The following PDE4DIP variants were observed in gnomAD, a reference collection of about 807,000 sequenced individuals.
PDE4DIP encodes myomegalin.
Under a neutral mutation model 221.4 loss-of-function variants are expected in PDE4DIP, and 59 were observed. The ratio of observed to expected loss-of-function variants is 0.27; its 90% CI spans 0.22 to 0.33. The LOEUF is 0.33. Among genes scored for constraint, PDE4DIP ranks in the 10% least tolerant of loss-of-function variants. The probability of loss-of-function intolerance (pLI) is 1.00; values close to 1 mark genes in which losing one functional copy is unlikely to be tolerated. For synonymous variants in PDE4DIP, 404 were observed against 815.9 expected (o/e 0.50, Z 8.60); for missense variants, 1,036 against 2,154.2 (o/e 0.48, Z 10.28).
chr1:148,834,250 AT>A (rs1330968856), intron 1 of PDE4DIP, among the ~76,000 whole-genome samples: 2 of 128,444 alleles, frequency 1.6e-5, no homozygotes, highest in African/African-American at 5.3e-5. Flanking sequence ...AGAGACTAGG[AT>A]TGCAACCCCT....
exon 34 of PDE4DIP, chr1:149,017,829 G>A (rs375617654): frequency 6.4e-5 from 104 of 1,613,346 alleles, no homozygotes; most frequent in Middle Eastern, 4.9e-4. Flanking sequence ...ATCAATGACC[G>A]CCTACGGGAG....
Position 149,020,330 on chromosome 1 carries a change from ACTCCAGGTAAGAGGGGACC to A in PDE4DIP, c.5956_5960+14del, listed in dbSNP as rs1559378698. 2.1e-6 allele frequency: 1 copy of A among 480,418 alleles called. No individual in the cohort carries two copies. Among genetic ancestry groups the A allele is most frequent in the Admixed American group, 3.9e-5 (1 of 25,700 alleles). The allele number at this position is 480,418 out of a possible 1,614,324, so 29.8% of individuals were successfully genotyped here. A position where few individuals can be genotyped will look rare whatever the true frequency, so the allele number is the denominator to read the frequency against. On this transcript the variant is annotated splice_donor_variant and splice_donor_5th_base_variant and coding_sequence_variant and intron_variant, in exon 36 of 44. Transcript: ENST00000369354. LOFTEE classifies it high-confidence loss of function. ...GAACGTCTTTCCCTCCAGGAAAACG[ACTCCAGGTAAGAGGGGACC>A]CATTGACAGAGAAGGTAGCATTCTT...
intron 1 of PDE4DIP, among the ~76,000 whole-genome samples, chr1:148,905,282 C>T (rs1450539171): frequency 8.9e-6 from 1 of 112,414 alleles, no homozygotes; most frequent in African/African-American, 3.7e-5. Context: ...CTCCCGGGTT[C>T]ATGCCATTCT....
exon 31 of PDE4DIP, chr1:149,010,493 T>A: frequency 6.2e-7 from 1 of 1,611,782 alleles, no homozygotes; most frequent in Non-Finnish European, 8.5e-7. Context: ...TAAACCATCA[T>A]CAACCAGTGC....
Position 148,978,342 on chromosome 1 carries a change from TCTTA to T in PDE4DIP, c.2505_2508del (p.Leu835PhefsTer9). 6.2e-7 allele frequency: 1 copy of T among 1,612,550 alleles called. No individual in the cohort carries two copies. The highest frequency in any genetic ancestry group is 8.5e-7 in the Non-Finnish European group (1 of 1,178,724). Reference sequence around the variant, plus strand: ...GCTATGGAACGCCTGACCCAGGAAGTCTTACTTCTTCGGGAAAAAGTTGCTTCAG... The same window carrying T: ...GCTATGGAACGCCTGACCCAGGAAGTCTTCTTCGGGAAAAAGTTGCTTCAG... On this transcript the variant is annotated frameshift_variant, in exon 19 of 44. Transcript: ENST00000369354. LOFTEE classifies it high-confidence loss of function.
exon 41 of PDE4DIP, chr1:149,028,568 C>A (rs2075847717): frequency 1.9e-6 from 3 of 1,610,864 alleles, no homozygotes; most frequent in Non-Finnish European, 2.5e-6. Flanking sequence ...AGGTGCTAGG[C>A]AGCAAAGGTA....
intron 5 of PDE4DIP, among the ~76,000 whole-genome samples, chr1:148,948,605 T>C (rs587642097): frequency 6.6e-6 from 1 of 152,034 alleles, no homozygotes; most frequent in Non-Finnish European, 1.5e-5. Flanking sequence ...GCGGGTGACT[T>C]TCTACCAAAG....
upstream of PDE4DIP, among the ~76,000 whole-genome samples, chr1:148,887,615 CA>C (rs3978554): frequency 0.26 from 1,410 of 5,324 alleles, 114 homozygotes; most frequent in East Asian, 0.75. Context: ...GACTCTGTCT[CA>C]AAAAAAAAAA....
chr1:149,021,265 C>T lies in PDE4DIP; in HGVS notation c.6085+112C>T, dbSNP rs587707263. ...CATGGGAAGCTACAGAGTTCTGTTG[C>T]AGAAACCCCCACCCGAGCCTGGGGC... On this transcript the variant is annotated intron_variant, in intron 37 of 43. Coordinates refer to ENST00000369354, the Ensembl canonical transcript of PDE4DIP. 9.9e-4 allele frequency: 780 copies of T among 787,376 alleles called. 12 individuals are homozygous for T. The highest frequency in any genetic ancestry group is 1.3e-3 in the Non-Finnish European group (657 of 489,074). The allele number at this position is 787,376 out of a possible 1,614,324, so 48.8% of individuals were successfully genotyped here.
chr1:148,890,190 T>TGATTGGGAGCTCCAA (rs1553435375), intron 1 of PDE4DIP, among the ~76,000 whole-genome samples: 1 of 53,990 alleles, frequency 1.9e-5, no homozygotes. Flanking sequence ...TGGGAGCTGG[T>TGATTGGGAGCTCCAA]TTAAAATGTA....
chr1:148,828,945 A>T (rs1190742330), intron 1 of PDE4DIP, among the ~76,000 whole-genome samples: 1 of 150,716 alleles, frequency 6.6e-6, no homozygotes, highest in East Asian at 1.9e-4. Flanking sequence ...TGAATGAACG[A>T]ATGAATGAGA....
chr1:148,948,256 C>T (rs1632368), intron 5 of PDE4DIP, among the ~76,000 whole-genome samples: 4 of 152,002 alleles, frequency 2.6e-5, no homozygotes, highest in Non-Finnish European at 5.9e-5. Context: ...GCCTTCACTA[C>T]GTTTTAGAAG....
At chr1:149,010,651 T>G in intron 31 of PDE4DIP, 56 bp downstream of exon 34, 2 of 1,576,748 alleles carry the variant, frequency 1.3e-6, no homozygotes, top group South Asian at 2.3e-5. Context: ...GCTGCCTGTT[T>G]GATTTTTCTT....
At chr1:149,018,052 T>C (rs587759376) in intron 34 of PDE4DIP, among the ~76,000 whole-genome samples, 173 bp downstream of exon 37, 1 of 152,332 alleles carries the variant, frequency 6.6e-6, no homozygotes, top group African/African-American at 2.4e-5. Flanking sequence ...TAACTCTCTT[T>C]AAGGCAGAAC....
At chr1:148,830,370 C>T (rs1255095325) in intron 1 of PDE4DIP, among the ~76,000 whole-genome samples, 1 of 54,690 alleles carries the variant, frequency 1.8e-5, no homozygotes, top group Non-Finnish European at 3.6e-5. Flanking sequence ...ACACATCCTC[C>T]TCCAAACCCT....
At chr1:148,955,893 T>C (rs1553501834) in intron 5 of PDE4DIP, among the ~76,000 whole-genome samples, 1 of 151,604 alleles carries the variant, frequency 6.6e-6, no homozygotes, top group African/African-American at 2.4e-5. Context: ...GGAGAAAATG[T>C]CATTCAGCTT....
intron 13 of PDE4DIP, among the ~76,000 whole-genome samples, chr1:148,968,625 T>C (rs1175850783): frequency 8.6e-5 from 13 of 151,990 alleles, no homozygotes; most frequent in East Asian, 5.8e-4. Flanking sequence ...TAGTTTTCTG[T>C]ATGGTTTGTA....
intron 5 of PDE4DIP, among the ~76,000 whole-genome samples, chr1:148,954,546 TGTCA>T (rs113412371): frequency 0.13 from 20,095 of 152,034 alleles, 1,335 homozygotes; most frequent in Middle Eastern, 0.19. Context: ...AGTACAGTAT[TGTCA>T]GTCAAAAGAT....
intron 21 of PDE4DIP, chr1:148,985,729 G>A (rs1374049555): frequency 1.3e-5 from 2 of 151,948 alleles, no homozygotes; most frequent in Non-Finnish European, 2.9e-5. Context: ...TTTGTTTAAA[G>A]TCAAATTCCA....
Sources: allele counts gnomAD v4.1 joint callset (sites outside exome capture counted in the v4.1 genomes callset), GRCh38; gene constraint gnomAD v4.1.1; transcripts MANE v1.5; gene names NCBI Gene and HGNC (gene_info 2026-07-23, HGNC 2026-07-21).